Variants in ACTR3C observed in about 807,000 individuals in gnomAD.
The protein encoded by ACTR3C is actin related protein 3C.
In ACTR3C, 18 loss-of-function variants were observed where a neutral mutation model predicts 26.3. That is an observed-to-expected ratio of 0.68 (90% CI 0.47 to 1.01). ACTR3C has a LOEUF of 1.01. Ranked by LOEUF, ACTR3C falls within the 50% of genes least tolerant of loss-of-function variation. ACTR3C has a pLI of 0.00. For synonymous variants in ACTR3C, 55 were observed against 94.5 expected, an observed-to-expected ratio of 0.58 and a Z score of 2.42; for missense variants, 184 against 250.7, an observed-to-expected ratio of 0.73 and a Z score of 1.80.
intron 1 of ACTR3C, among the ~76,000 whole-genome samples, chr7:150,298,327 T>C (rs1161826105): frequency 6.7e-6 from 1 of 150,152 alleles, no homozygotes; most frequent in African/African-American, 2.5e-5. Flanking sequence ...AAAATACTAA[T>C]ACATAAATAA....
the ACTR3C span, among the ~76,000 whole-genome samples, chr7:150,142,836 G>GTTTTT: frequency 7.1e-6 from 1 of 141,080 alleles, no homozygotes; most frequent in African/African-American, 2.7e-5. Flanking sequence ...GCTTTTTTTT[G>GTTTTT]TTTTTGTTTT....
rs1835786629 is a variant in ACTR3C, at chr7:150,286,520, G to A, written c.318C>T (p.Cys106=). The A allele has an allele frequency of 1.2e-6, 2 of 1,611,214 alleles. No individual in the cohort carries two copies. The highest frequency in any genetic ancestry group is 2.2e-5 in the East Asian group (1 of 44,830). ...TGGCAAATTCCTTGACTATATCGGGGCAAATGTAACAGTATTTCTCCTGCA... is the reference window on the plus strand; with the variant it reads ...TGGCAAATTCCTTGACTATATCGGGACAAATGTAACAGTATTTCTCCTGCA... The part of the protein sequence containing the change: ...KAIKEKYCYI[C]PDIVKEFAKY... The change falls in exon 5 of 8, where the codon TGC becomes TGT. Residue 106 remains cysteine, a synonymous_variant. Transcript: ENST00000683684.
At chr7:149,996,706 A>G in the ACTR3C span, among the ~76,000 whole-genome samples, 3 of 149,602 alleles carry the variant, frequency 2.0e-5, no homozygotes, top group Non-Finnish European at 3.0e-5. Context: ...TCAGTATCCA[A>G]TGGCATCTTA....
At chr7:150,311,568 T>A (rs1181469871) in intron 1 of ACTR3C, among the ~76,000 whole-genome samples, 3 of 152,176 alleles carry the variant, frequency 2.0e-5, no homozygotes. Context: ...TGGGCCCGAT[T>A]TCAACCCAGC....
chr7:150,047,036 TC>T, the ACTR3C span, among the ~76,000 whole-genome samples: 1 of 151,582 alleles, frequency 6.6e-6, no homozygotes, highest in African/African-American at 2.4e-5. Flanking sequence ...TTTTTTTTTT[TC>T]CGGAAAGGAT....
intron 1 of ACTR3C, among the ~76,000 whole-genome samples, chr7:150,314,953 A>G (rs919712270): frequency 1.4e-5 from 2 of 148,108 alleles, no homozygotes; most frequent in African/African-American, 2.5e-5. Context: ...CCCAGTTTCA[A>G]CATAATAATA....
the ACTR3C span, among the ~76,000 whole-genome samples, chr7:150,056,366 T>A: frequency 6.6e-6 from 1 of 152,144 alleles, no homozygotes; most frequent in Non-Finnish European, 1.5e-5. Context: ...TGTATCTGCT[T>A]CTTGTGGGTA....
the ACTR3C span, among the ~76,000 whole-genome samples, chr7:149,961,447 G>A: frequency 1.4e-4 from 22 of 152,172 alleles, no homozygotes; most frequent in African/African-American, 5.3e-4. Flanking sequence ...TAGGAAATGT[G>A]GGCTCACGGG....
chr7:149,897,518 G>C, the ACTR3C span, among the ~76,000 whole-genome samples: 1 of 152,098 alleles, frequency 6.6e-6, no homozygotes, highest in Non-Finnish European at 1.5e-5. Flanking sequence ...TCTAAAAGTA[G>C]ATTATCTGGA....
At chr7:150,038,980 C>G in the ACTR3C span, among the ~76,000 whole-genome samples, 41 of 90,394 alleles carry the variant, frequency 4.5e-4, 13 homozygotes, top group East Asian at 0.012. Context: ...CCCCCTCCTG[C>G]GATCGGGGTC....
chr7:150,111,737 G>C, the ACTR3C span, among the ~76,000 whole-genome samples: 2 of 134,264 alleles, frequency 1.5e-5, no homozygotes, highest in South Asian at 5.2e-4. Context: ...CCTCGCGGGC[G>C]CTGTCCCTGA....
chr7:150,038,112 G>C, the ACTR3C span, among the ~76,000 whole-genome samples: 22 of 134,280 alleles, frequency 1.6e-4, no homozygotes, highest in African/African-American at 4.4e-4. Flanking sequence ...GGAGTCCCAA[G>C]AGCCAGGGGG....
At chr7:150,015,683 C>T in the ACTR3C span, among the ~76,000 whole-genome samples, 9 of 152,310 alleles carry the variant, frequency 5.9e-5, no homozygotes, top group Middle Eastern at 0.014. Flanking sequence ...ATTTTCTCTC[C>T]TACCCACATG....
At chr7:150,055,809 C>T in the ACTR3C span, among the ~76,000 whole-genome samples, 3 of 152,232 alleles carry the variant, frequency 2.0e-5, no homozygotes, top group South Asian at 6.2e-4. Flanking sequence ...AAAAAAAAGC[C>T]TTACTTTCAA....
the ACTR3C span, among the ~76,000 whole-genome samples, chr7:150,136,368 G>T: frequency 6.6e-6 from 1 of 152,140 alleles, no homozygotes; most frequent in African/African-American, 2.4e-5. Context: ...GTGAACTTTT[G>T]TTTGAAGACC....
the ACTR3C span, chr7:150,041,330 T>A: frequency 6.6e-6 from 1 of 150,920 alleles, no homozygotes; most frequent in Non-Finnish European, 1.5e-5. Context: ...CTCCGGTAGA[T>A]TGCAAATAAC....
chr7:149,914,196 G>A, the ACTR3C span, among the ~76,000 whole-genome samples: 1 of 151,338 alleles, frequency 6.6e-6, no homozygotes, highest in Non-Finnish European at 1.5e-5. Context: ...GCTACCAAAT[G>A]CAGCAATTTT....
the ACTR3C span, chr7:149,890,688 A>C: frequency 1.3e-5 from 2 of 154,264 alleles, no homozygotes; most frequent in Admixed American, 6.4e-5. Context: ...CACACCAAGG[A>C]GAAAGTCTTC....
At chr7:150,099,938 C>T in the ACTR3C span, among the ~76,000 whole-genome samples, 14 of 151,610 alleles carry the variant, frequency 9.2e-5, 1 homozygote, top group African/African-American at 2.4e-4. Flanking sequence ...CAGATGAATA[C>T]GCGAAGAAGA....
Sources: allele counts gnomAD v4.1 joint callset (sites outside exome capture counted in the v4.1 genomes callset), GRCh38; gene constraint gnomAD v4.1.1; transcripts MANE v1.5; gene names NCBI Gene and HGNC (gene_info 2026-07-23, HGNC 2026-07-21).